Variants in DCC observed in about 807,000 individuals in gnomAD.
DCC encodes DCC netrin 1 receptor.
DCC carries 58 observed loss-of-function variants against 172.5 expected under a neutral mutation model. The ratio of observed to expected loss-of-function variants is 0.34; its 90% confidence interval spans 0.27 to 0.42. The LOEUF (loss-of-function observed/expected upper bound fraction) is 0.42. DCC is among the 10% of genes least tolerant of loss of function. The pLI is 1.00. For missense variants in DCC, 1,740 were observed against 1,791.0 expected (o/e 0.97, Z 0.51); for synonymous variants, 709 against 644.5 (o/e 1.10, Z -1.52).
intron 2 of DCC, among the ~76,000 whole-genome samples, chr18:52,886,318 A>G (rs2039569061): frequency 1.3e-5 from 2 of 152,146 alleles, no homozygotes; most frequent in Non-Finnish European, 2.9e-5. Flanking sequence ...AAGGCCTGCC[A>G]AGAAACTTGA....
intron 5 of DCC, among the ~76,000 whole-genome samples, chr18:53,045,781 C>T (rs2042230372): frequency 6.6e-6 from 1 of 151,768 alleles, no homozygotes; most frequent in South Asian, 2.1e-4. Flanking sequence ...AGAGTTCTTC[C>T]CGACTAAAAT....
chr18:53,110,190 T>A (rs766787930), intron 7 of DCC, among the ~76,000 whole-genome samples: 131 of 151,682 alleles, frequency 8.6e-4, no homozygotes, highest in Non-Finnish European at 1.6e-3. Context: ...AATTCTGGAA[T>A]AAAGTGAGAT....
intron 15 of DCC, among the ~76,000 whole-genome samples, chr18:53,361,353 C>A (rs1456376356): frequency 2.0e-5 from 3 of 152,150 alleles, no homozygotes; most frequent in Non-Finnish European, 2.9e-5. Context: ...ACTTTCCCCC[C>A]CAATCTCCTA....
Position 53,086,354 on chromosome 18 carries a change from T to TTTC in DCC, c.1261+20210_1261+20212dup, listed in dbSNP as rs1205153061. ...TTCTTCTTCTTCTTCTTCTTCTTCC[T>TTTC]TTCTTCTTCTTCTTCTTCTTCTTCC... On this transcript the variant is annotated intron_variant, in intron 7 of 28. Transcript: ENST00000442544. Among the ~76,000 whole-genome samples, 25 of 33,904 alleles carry TTTC rather than the reference T, an allele frequency of 7.4e-4. 4 individuals carry two copies. The highest frequency in any genetic ancestry group is 2.9e-3 in the East Asian group (6 of 2,102). The allele number at this position is 33,904 out of a possible 152,430, so 22.2% of individuals were successfully genotyped here.
chr18:53,228,593 A>G (rs1364816098), intron 12 of DCC, among the ~76,000 whole-genome samples: 1 of 152,084 alleles, frequency 6.6e-6, no homozygotes, highest in Non-Finnish European at 1.5e-5. Context: ...TAACTTCTCT[A>G]CCTATGATAA....
intron 2 of DCC, among the ~76,000 whole-genome samples, chr18:52,898,004 C>T (rs2039757204): frequency 6.6e-6 from 1 of 152,226 alleles, no homozygotes. Context: ...GTCTCTTTGG[C>T]TTGCCTCTAT....
intron 2 of DCC, among the ~76,000 whole-genome samples, chr18:52,896,154 A>C (rs894605603): frequency 6.6e-6 from 1 of 152,160 alleles, no homozygotes; most frequent in African/African-American, 2.4e-5. Flanking sequence ...ACACTTTCAC[A>C]GTATTGTTAA....
chr18:52,802,232 G>A (rs1354359985), intron 2 of DCC, among the ~76,000 whole-genome samples: 1 of 152,106 alleles, frequency 6.6e-6, no homozygotes, highest in Non-Finnish European at 1.5e-5. Flanking sequence ...GTAGGTTGGA[G>A]AAAGTTATCT....
At chr18:53,206,954 G>A (rs2055660864) in intron 10 of DCC, among the ~76,000 whole-genome samples, 1 of 152,108 alleles carries the variant, frequency 6.6e-6, no homozygotes, top group East Asian at 1.9e-4. Flanking sequence ...CATTACAAGA[G>A]CTCCTCCTAT....
chr18:53,493,790 C>A (rs1173115458), intron 26 of DCC, among the ~76,000 whole-genome samples: 4 of 151,784 alleles, frequency 2.6e-5, no homozygotes, highest in Non-Finnish European at 5.9e-5. Context: ...TTAGTTATTT[C>A]TTGTCTTCTG....
intron 7 of DCC, among the ~76,000 whole-genome samples, chr18:53,083,663 T>A (rs1323366737): frequency 6.6e-6 from 1 of 152,164 alleles, no homozygotes; most frequent in Non-Finnish European, 1.5e-5. Flanking sequence ...AAAAATATGA[T>A]GGCATACTTC....
At chr18:53,016,153 AAG>A (rs2041805160) in intron 5 of DCC, among the ~76,000 whole-genome samples, 1 of 152,142 alleles carries the variant, frequency 6.6e-6, no homozygotes. Context: ...TCCATTAAAA[AAG>A]AAAATATATG....
intron 11 of DCC, among the ~76,000 whole-genome samples, chr18:53,212,188 A>G (rs556090959): frequency 3.3e-5 from 5 of 152,232 alleles, no homozygotes; most frequent in Admixed American, 1.3e-4. Context: ...AAAATACCTC[A>G]TCTCCATGAG....
chr18:53,410,596 C>A lies in DCC; in HGVS notation c.3080C>A (p.Ser1027Ter). 6.2e-7 allele frequency: 1 copy of A among 1,611,136 alleles called. No homozygotes were observed. The highest frequency in any genetic ancestry group is 1.1e-5 in the South Asian group (1 of 91,014). The change falls in exon 20 of 29, where the codon TCA becomes TAA. Residue 1027 changes from serine to a stop codon, truncating the protein, a stop_gained. Transcript: ENST00000442544. LOFTEE classifies it high-confidence loss of function. ...MYYFRIQARN[S>*]KGVGPLSDPI... The stretch of plus-strand genomic sequence containing the variant: ...TACTTTCGAATTCAAGCACGAAATT[C>A]AAAAGGAGTGGGGCCACTCTCTGAT...
chr18:53,141,892 A>G (rs1214016249), intron 7 of DCC, among the ~76,000 whole-genome samples: 2 of 152,162 alleles, frequency 1.3e-5, no homozygotes, highest in East Asian at 3.9e-4. Flanking sequence ...TCAGGGAAGT[A>G]CATTGAACAC....
At chr18:53,347,902 T>G (rs2057743916) in intron 15 of DCC, among the ~76,000 whole-genome samples, 1 of 152,130 alleles carries the variant, frequency 6.6e-6, no homozygotes, top group South Asian at 2.1e-4. Flanking sequence ...TTCCTATAAT[T>G]CAGCCACCTC....
chr18:52,401,975 A>G (rs1045788639), intron 1 of DCC, among the ~76,000 whole-genome samples: 11 of 151,990 alleles, frequency 7.2e-5, no homozygotes, highest in Non-Finnish European at 1.5e-4. Context: ...TTCAATTTAT[A>G]ACGATATTAT....
intron 5 of DCC, among the ~76,000 whole-genome samples, chr18:52,938,133 G>A (rs565486578): frequency 1.3e-5 from 2 of 152,218 alleles, no homozygotes; most frequent in South Asian, 4.1e-4. Flanking sequence ...TTCAGATCAT[G>A]TGTCATAAGT....
chr18:53,242,235 A>C (rs1568386553), intron 12 of DCC, among the ~76,000 whole-genome samples: 1 of 152,286 alleles, frequency 6.6e-6, no homozygotes, highest in Non-Finnish European at 1.5e-5. Context: ...TGATTTAGAA[A>C]GTAAAGGAGA....
Sources: allele counts gnomAD v4.1 joint callset (sites outside exome capture counted in the v4.1 genomes callset), GRCh38; gene constraint gnomAD v4.1.1; transcripts MANE v1.5; gene names NCBI Gene and HGNC (gene_info 2026-07-23, HGNC 2026-07-21).